KLF8: variants seen among roughly 807,000 people sequenced by gnomAD.
KLF8 encodes the protein KLF transcription factor 8, also known as Krueppel-like factor 8.
In KLF8, 10 loss-of-function variants were observed where a neutral mutation model predicts 18.2. The ratio of observed to expected loss-of-function variants is 0.55; its 90% CI spans 0.34 to 0.93. The LOEUF is 0.93. Among genes scored for constraint, KLF8 ranks in the 40% least tolerant of loss-of-function variants. The pLI is 0.02. For synonymous variants in KLF8, 109 were observed against 97.3 expected (o/e 1.12, Z -0.71); for missense variants, 264 against 277.9 (o/e 0.95, Z 0.36).
At chrX:56,158,482 G>T in the KLF8 span, among the ~76,000 whole-genome samples, 4 of 111,864 alleles carry the variant, frequency 3.6e-5, no homozygotes, top group African/African-American at 9.7e-5. Flanking sequence ...CCCTTGGGGA[G>T]TATGGCCATT....
the KLF8 span, among the ~76,000 whole-genome samples, chrX:56,032,558 A>T: frequency 8.9e-6 from 1 of 111,826 alleles, no homozygotes; most frequent in Non-Finnish European, 1.9e-5. Context: ...GTTCATTATA[A>T]ACTGTTATAT....
chrX:55,996,709 C>T, the KLF8 span, among the ~76,000 whole-genome samples: 1 of 111,667 alleles, frequency 9.0e-6, no homozygotes, highest in Non-Finnish European at 1.9e-5. Context: ...TTTCTCTGGC[C>T]CCTACAGGTT....
chrX:55,998,596 A>G, the KLF8 span, among the ~76,000 whole-genome samples: 2 of 111,890 alleles, frequency 1.8e-5, no homozygotes, highest in Admixed American at 9.4e-5. Flanking sequence ...TTCAGAGAGC[A>G]TGGTGTTGGG....
the KLF8 span, among the ~76,000 whole-genome samples, chrX:56,044,833 G>A: frequency 4.4e-5 from 5 of 112,587 alleles, no homozygotes; most frequent in East Asian, 8.4e-4. Context: ...GAATGATGCT[G>A]CCTGGCTTCC....
At chrX:56,078,270 C>A in the KLF8 span, among the ~76,000 whole-genome samples, 35 of 111,906 alleles carry the variant, frequency 3.1e-4, 1 homozygote, top group East Asian at 8.7e-3. Context: ...ATGATATTGG[C>A]TGTGGGTTTG....
At chrX:56,061,980 C>A in the KLF8 span, among the ~76,000 whole-genome samples, 5 of 77,899 alleles carry the variant, frequency 6.4e-5, no homozygotes, top group East Asian at 3.0e-4. Flanking sequence ...AGGATTGCAA[C>A]CCCTGCTTTT....
chrX:55,956,063 G>A, the KLF8 span, among the ~76,000 whole-genome samples: 98 of 110,468 alleles, frequency 8.9e-4, 1 homozygote, highest in Non-Finnish European at 1.7e-3. Context: ...ATCTGTATAA[G>A]CATCATGGGA....
At chrX:56,108,052 G>T in the KLF8 span, among the ~76,000 whole-genome samples, 1 of 111,756 alleles carries the variant, frequency 8.9e-6, no homozygotes, top group South Asian at 3.7e-4. Flanking sequence ...TTGTTGGTTG[G>T]CTTGTATCAT....
chrX:56,232,316 CCCT>C (rs1285767428), upstream of KLF8: 1 of 98,523 alleles, frequency 1.0e-5, no homozygotes, highest in Non-Finnish European at 2.0e-5. Flanking sequence ...CCTCCTTCCT[CCCT>C]CCTCCTTCTC....
the KLF8 span, among the ~76,000 whole-genome samples, chrX:56,003,728 G>C: frequency 9.0e-6 from 1 of 111,597 alleles, no homozygotes; most frequent in African/African-American, 3.2e-5. Flanking sequence ...TCTTTTTACC[G>C]CTCTTCCTGG....
the KLF8 span, among the ~76,000 whole-genome samples, chrX:56,019,119 T>C: frequency 3.6e-5 from 4 of 111,635 alleles, no homozygotes; most frequent in Non-Finnish European, 7.5e-5. Context: ...GAATTCTGTA[T>C]AGAAGGAGAA....
At chrX:55,983,503 A>G in the KLF8 span, among the ~76,000 whole-genome samples, 2 of 111,838 alleles carry the variant, frequency 1.8e-5, no homozygotes, top group East Asian at 2.8e-4. Context: ...ACTCAGAACA[A>G]TTTCAATATC....
At chrX:55,915,573 G>C in the KLF8 span, among the ~76,000 whole-genome samples, 1 of 112,013 alleles carries the variant, frequency 8.9e-6, no homozygotes, top group Middle Eastern at 4.6e-3. Context: ...GGCCACAGAT[G>C]TACTTGCCTT....
chrX:56,257,592 A>C (rs1336578943), intron 2 of KLF8, among the ~76,000 whole-genome samples: 1 of 111,803 alleles, frequency 8.9e-6, no homozygotes, highest in Non-Finnish European at 1.9e-5. Flanking sequence ...TAGCTCTCAT[A>C]AATAAGAACA....
chrX:56,117,985 G>A, the KLF8 span, among the ~76,000 whole-genome samples: 1 of 111,610 alleles, frequency 9.0e-6, no homozygotes, highest in African/African-American at 3.3e-5. Flanking sequence ...TATGGCAGAA[G>A]GGGCAAGCAA....
the KLF8 span, among the ~76,000 whole-genome samples, chrX:56,009,691 T>C: frequency 3.6e-5 from 4 of 111,416 alleles, no homozygotes; most frequent in Non-Finnish European, 7.5e-5. Flanking sequence ...TTTAACCCAA[T>C]GCCAAGAATC....
the KLF8 span, among the ~76,000 whole-genome samples, chrX:56,129,866 A>G: frequency 9.0e-6 from 1 of 110,637 alleles, no homozygotes; most frequent in African/African-American, 3.3e-5. Context: ...TTTGGGTTGC[A>G]TGGGAGCTGG....
At chrX:56,198,010 C>T in the KLF8 span, among the ~76,000 whole-genome samples, 1 of 112,019 alleles carries the variant, frequency 8.9e-6, no homozygotes, top group African/African-American at 3.2e-5. Flanking sequence ...TCAATAGATG[C>T]AGAAAAGGCC....
the KLF8 span, among the ~76,000 whole-genome samples, chrX:56,189,839 G>A: frequency 1.2e-5 from 1 of 82,494 alleles, no homozygotes; most frequent in African/African-American, 4.6e-5. Context: ...ATGGACACAG[G>A]AAGGGGAACA....
Sources: allele counts gnomAD v4.1 joint callset (sites outside exome capture counted in the v4.1 genomes callset), GRCh38; gene constraint gnomAD v4.1.1; transcripts MANE v1.5; gene names NCBI Gene and HGNC (gene_info 2026-07-23, HGNC 2026-07-21).